Variants in CSMD2 observed in about 807,000 individuals in gnomAD.
CSMD2 encodes the protein CUB and Sushi multiple domains 2.
CSMD2 carries 130 observed loss-of-function variants against 398.5 expected under a neutral mutation model. That is an observed-to-expected ratio of 0.33 (90% CI 0.28 to 0.38). The LOEUF (loss-of-function observed/expected upper bound fraction) is 0.38. Among genes scored for constraint, CSMD2 ranks in the 10% least tolerant of loss-of-function variants. CSMD2 has a pLI of 1.00. For missense variants in CSMD2, 3,829 were observed against 4,764.9 expected, an observed-to-expected ratio of 0.80 and a Z score of 5.78; for synonymous variants, 1,828 against 1,908.5, an observed-to-expected ratio of 0.96 and a Z score of 1.10.
At position 33,515,709 on chromosome 1, in the gene CSMD2, C is replaced by T. The variant is rs1390473260; in HGVS notation, c.*915G>A. On this transcript the variant is annotated 3_prime_UTR_variant, in exon 71 of 71. Transcript: ENST00000373381. The stretch of plus-strand genomic sequence containing the variant: ...TTGGGTACTGGGGCAGGCTTGCTCC[C>T]CTGTTCTCTCAAGGACCCTGCTGCT... The T allele has an allele frequency of 1.3e-5, 2 of 152,134 alleles. No individual in the cohort carries two copies. The highest frequency in any genetic ancestry group is 4.8e-5 in the African/African-American group (2 of 41,404). 9.4% of individuals were successfully genotyped at this position (152,134 alleles called of 1,614,324 possible). A position where few individuals can be genotyped will look rare whatever the true frequency, so the allele number is the denominator to read the frequency against.
intron 4 of CSMD2, among the ~76,000 whole-genome samples, chr1:33,923,070 T>C (rs1185209684): frequency 6.6e-6 from 1 of 152,212 alleles, no homozygotes; most frequent in Non-Finnish European, 1.5e-5. Flanking sequence ...GAACTTTATC[T>C]TGGAGCACTC....
chr1:33,601,893 G>A lies in CSMD2; in HGVS notation c.6710+476C>T, dbSNP rs540115718. 2.4e-4 allele frequency among the ~76,000 whole-genome samples: 36 copies of A among 152,290 alleles called. 1 individual carries two copies. The highest frequency in any genetic ancestry group is 3.4e-3 in the Middle Eastern group (1 of 294). On this transcript the variant is annotated intron_variant, in intron 43 of 70. Coordinates refer to ENST00000373381, the MANE Select transcript of CSMD2 (RefSeq NM_001281956.2). ...TCTGTAGCCAGTGGCTACCATATTG[G>A]GCAGCATAGACATAGAACAGTTCCA...
intron 13 of CSMD2, among the ~76,000 whole-genome samples, chr1:33,759,418 C>T (rs930771264): frequency 2.7e-5 from 4 of 150,740 alleles, no homozygotes; most frequent in Admixed American, 1.3e-4. Context: ...CTCTGCCTCC[C>T]GGGTTCACGC....
chr1:33,836,875 C>G (rs1660337161), intron 6 of CSMD2, among the ~76,000 whole-genome samples: 1 of 152,182 alleles, frequency 6.6e-6, no homozygotes, highest in Non-Finnish European at 1.5e-5. Flanking sequence ...CTGTCCTGCA[C>G]CCACTCTCCG....
intron 24 of CSMD2, among the ~76,000 whole-genome samples, chr1:33,698,306 C>T (rs1224048759): frequency 6.6e-6 from 1 of 152,116 alleles, no homozygotes; most frequent in South Asian, 2.1e-4. Flanking sequence ...GACATTCCTC[C>T]AGTAAAGGGA....
intron 55 of CSMD2, among the ~76,000 whole-genome samples, chr1:33,553,795 GTCTT>G (rs1657690145): frequency 6.6e-6 from 1 of 152,166 alleles, no homozygotes; most frequent in African/African-American, 2.4e-5. Context: ...GTTTGAGTAA[GTCTT>G]TATTGTAGGG....
At chr1:33,729,727 C>T (rs1646661257) in intron 15 of CSMD2, among the ~76,000 whole-genome samples, 1 of 152,000 alleles carries the variant, frequency 6.6e-6, no homozygotes, top group African/African-American at 2.4e-5. Context: ...ATTGACCTCA[C>T]TCTTAAACAT....
intron 5 of CSMD2, among the ~76,000 whole-genome samples, chr1:33,902,936 C>G (rs1392493012): frequency 6.6e-6 from 1 of 152,170 alleles, no homozygotes; most frequent in Non-Finnish European, 1.5e-5. Context: ...TGATTTCACC[C>G]CAACCCCAGG....
chr1:33,843,645 T>A (rs1570236197), intron 6 of CSMD2, among the ~76,000 whole-genome samples: 1 of 127,146 alleles, frequency 7.9e-6, no homozygotes, highest in East Asian at 2.6e-4. Context: ...CAAGGGAGCC[T>A]GGTGGTAATG....
intron 65 of CSMD2, among the ~76,000 whole-genome samples, chr1:33,526,374 A>G (rs947220303): frequency 2.6e-5 from 4 of 152,192 alleles, no homozygotes; most frequent in African/African-American, 9.7e-5. Flanking sequence ...AAAAGCCTTG[A>G]CTTTCTCCCT....
chr1:34,070,673 C>A (rs1224180831), intron 2 of CSMD2, among the ~76,000 whole-genome samples: 1 of 152,184 alleles, frequency 6.6e-6, no homozygotes, highest in Non-Finnish European at 1.5e-5. Context: ...TCTGCAAGAA[C>A]TCTTTGTGTC....
chr1:33,935,031 G>T (rs1051930979), intron 4 of CSMD2, among the ~76,000 whole-genome samples: 1 of 119,980 alleles, frequency 8.3e-6, no homozygotes, highest in Non-Finnish European at 1.8e-5. Flanking sequence ...AAAAAAAAAA[G>T]AAAAAAGAAA....
intron 13 of CSMD2, among the ~76,000 whole-genome samples, chr1:33,765,171 A>T (rs1045191745): frequency 3.3e-5 from 5 of 152,218 alleles, no homozygotes; most frequent in African/African-American, 1.2e-4. Context: ...GAGTGCACAT[A>T]CAAAAATCCC....
At chr1:33,723,453 G>A (rs755284388) in intron 19 of CSMD2, among the ~76,000 whole-genome samples, 1 of 152,234 alleles carries the variant, frequency 6.6e-6, no homozygotes, top group African/African-American at 2.4e-5. Flanking sequence ...GGTTACTGCT[G>A]ATGCCCAGCC....
In CSMD2 at chr1:33,611,442, A is replaced by G. The variant is rs111596262; in HGVS notation, c.6134-192T>C. On this transcript the variant is annotated intron_variant, in intron 40 of 70. Transcript: ENST00000373381. ...TCTTGTCTTTGACAGGGCTGAACTT[A>G]AAAGTGTATTATTCATTCAAAAATA... Among the ~76,000 whole-genome samples the G allele has an allele frequency of 6.6e-4, 100 of 152,344 alleles. 1 individual carries two copies. Among genetic ancestry groups the G allele is most frequent in the Middle Eastern group, 3.4e-3 (1 of 294 alleles).
intron 6 of CSMD2, among the ~76,000 whole-genome samples, chr1:33,842,191 C>G (rs1660922804): frequency 2.6e-5 from 4 of 152,188 alleles, no homozygotes; most frequent in African/African-American, 9.7e-5. Flanking sequence ...CCATCCCCTC[C>G]CACTCCCACC....
In CSMD2 at chr1:33,582,335, G is replaced by A. The variant is rs1218728193; in HGVS notation, c.7240+1307C>T. On this transcript the variant is annotated intron_variant, in intron 47 of 70. Transcript: ENST00000373381. Reference sequence around the variant, plus strand: ...TAGAGCATGATGTTCCTAAGGGCAAGGTAAATAGGAAGCCAAGAAGAGCAG... The same window carrying A: ...TAGAGCATGATGTTCCTAAGGGCAAAGTAAATAGGAAGCCAAGAAGAGCAG... Among the ~76,000 whole-genome samples, 5 of 152,240 alleles carry A rather than the reference G, an allele frequency of 3.3e-5. No homozygotes were observed. The East Asian group carries it at 9.6e-4, about 29-fold the overall frequency.
At chr1:34,135,939 T>C (rs75418257) in intron 1 of CSMD2, among the ~76,000 whole-genome samples, 6 of 152,152 alleles carry the variant, frequency 3.9e-5, no homozygotes. Flanking sequence ...TTTCACCATA[T>C]GCTCTTCTAT....
rs1157342823 is a variant in CSMD2 at position 34,129,010 on chromosome 1, C to CA, written c.187+35900_187+35901insT. ...TCCACTACATACATGTGTACCCCCC[C>CA]CCACACACACACACATATACATTTT... is the stretch of plus-strand genomic sequence containing the variant. On this transcript the variant is annotated intron_variant, in intron 1 of 70. Transcript: ENST00000373381. 1.7e-4 allele frequency among the ~76,000 whole-genome samples: 18 copies of CA among 103,044 alleles called. No individual in the cohort carries two copies. The South Asian group carries it at 3.7e-3, about 21-fold the overall frequency. 67.6% of individuals were successfully genotyped at this position (103,044 alleles called of 152,430 possible). A position where few individuals can be genotyped will look rare whatever the true frequency, so the allele number is the denominator to read the frequency against.
Sources: allele counts gnomAD v4.1 joint callset (sites outside exome capture counted in the v4.1 genomes callset), GRCh38; gene constraint gnomAD v4.1.1; transcripts MANE v1.5; gene names NCBI Gene and HGNC (gene_info 2026-07-23, HGNC 2026-07-21).